The following SRRM1 variants were observed in gnomAD, a reference collection of about 807,000 sequenced individuals.
SRRM1 encodes the protein serine and arginine repetitive matrix 1, also known as serine/arginine repetitive matrix protein 1.
SRRM1 carries 19 observed loss-of-function variants against 110.2 expected under a neutral mutation model. That is an observed-to-expected ratio of 0.17 (90% confidence interval 0.12 to 0.25). The LOEUF is 0.25. SRRM1 is among the 10% of genes least tolerant of loss of function. The pLI, the probability that SRRM1 is intolerant of heterozygous loss-of-function variation, is 1.00. For missense variants in SRRM1, 918 were observed against 1,145.8 expected, an observed-to-expected ratio of 0.80 and a Z score of 2.87; for synonymous variants, 443 against 414.9, an observed-to-expected ratio of 1.07 and a Z score of -0.82.
At chr1:24,662,598 G>GA in intron 11 of SRRM1, 62 bp from the exon 12 acceptor site, 1 of 1,571,072 alleles carries the variant, frequency 6.4e-7, no homozygotes, top group Non-Finnish European at 8.7e-7. Flanking sequence ...CTAGATTTCA[G>GA]AAAACTTGGA....
chr1:24,664,579 T>G (rs1668944959), intron 12 of SRRM1, among the ~76,000 whole-genome samples: 1 of 152,240 alleles, frequency 6.6e-6, no homozygotes, highest in Non-Finnish European at 1.5e-5. Context: ...GTCCTTTTTG[T>G]AGCTCAGTTT....
chr1:24,671,676 T>C, intron 16 of SRRM1, 81 bp downstream of exon 16: 1 of 1,280,746 alleles, frequency 7.8e-7, no homozygotes, highest in East Asian at 2.4e-5. Context: ...AGTAGCAAAA[T>C]TGTTTTTTCT....
At chr1:24,657,738 C>T (rs1664969227) in intron 9 of SRRM1, among the ~76,000 whole-genome samples, 1 of 152,190 alleles carries the variant, frequency 6.6e-6, no homozygotes, top group Non-Finnish European at 1.5e-5. Flanking sequence ...CATAAATTGG[C>T]ATTATCTTAG....
intron 13 of SRRM1, 36 bp downstream of exon 13, chr1:24,666,961 C>T (rs1490356539): frequency 7.7e-7 from 1 of 1,301,670 alleles, no homozygotes; most frequent in Non-Finnish European, 1.1e-6. Context: ...AGCATCTCCC[C>T]AACTCCCCCC....
chr1:24,655,312 G>A (rs1355758484), intron 9 of SRRM1, among the ~76,000 whole-genome samples, 183 bp downstream of exon 9: 1 of 152,142 alleles, frequency 6.6e-6, no homozygotes, highest in African/African-American at 2.4e-5. Context: ...GCTTTTTTAT[G>A]TGTAAAAGGG....
In SRRM1 at chr1:24,646,080, T is replaced by C. The variant is rs1385047022; in HGVS notation, c.111+7T>C. The C allele has an allele frequency of 6.2e-7, 1 of 1,605,848 alleles. No individual in the cohort carries two copies. The highest frequency in any genetic ancestry group is 2.2e-5 in the East Asian group (1 of 44,828). On this transcript the variant is annotated splice_region_variant and intron_variant, in intron 2 of 16. Transcript: ENST00000323848. ...AGAATGCCTAGAAAAAAAGGTATTC[T>C]TCTGGATGAGACTGTTGTGCATCTT...
At chr1:24,659,032 A>G (rs986785167) in intron 9 of SRRM1, among the ~76,000 whole-genome samples, 9 of 152,168 alleles carry the variant, frequency 5.9e-5, no homozygotes, top group Non-Finnish European at 1.3e-4. Context: ...TGTCTCTACT[A>G]AAAATACAAA....
chr1:24,644,429 C>A (rs762108391), intron 1 of SRRM1, among the ~76,000 whole-genome samples: 3 of 152,190 alleles, frequency 2.0e-5, no homozygotes, highest in Non-Finnish European at 2.9e-5. Context: ...GTTAGCTCTT[C>A]TCTTTAGAGC....
chr1:24,669,033 A>T, intron 13 of SRRM1, 90 bp from the exon 14 acceptor site: 2 of 1,020,994 alleles, frequency 2.0e-6, no homozygotes, highest in Non-Finnish European at 2.9e-6. Context: ...CCTAGTGCTA[A>T]CTACAGTATA....
intron 9 of SRRM1, among the ~76,000 whole-genome samples, chr1:24,659,026 T>A (rs1189564620): frequency 6.6e-6 from 1 of 152,132 alleles, no homozygotes; most frequent in African/African-American, 2.4e-5. Flanking sequence ...AAACCCTGTC[T>A]CTACTAAAAA....
intron 9 of SRRM1, among the ~76,000 whole-genome samples, 197 bp downstream of exon 9, chr1:24,655,326 T>G (rs772899556): frequency 2.0e-5 from 3 of 152,204 alleles, no homozygotes. Flanking sequence ...AAAAGGGTTT[T>G]GTTTTTAGCA....
intron 1 of SRRM1, 67 bp from the exon 2 acceptor site, chr1:24,645,917 T>C (rs1657250519): frequency 1.5e-6 from 2 of 1,341,886 alleles, no homozygotes; most frequent in Non-Finnish European, 2.1e-6. Flanking sequence ...GCTATAAAGG[T>C]CGTAGGTGAT....
chr1:24,658,932 G>A (rs1469051392), intron 9 of SRRM1, among the ~76,000 whole-genome samples: 1 of 152,094 alleles, frequency 6.6e-6, no homozygotes, highest in Non-Finnish European at 1.5e-5. Flanking sequence ...GGTGGCTCAC[G>A]CCTGTAATCC....
intron 3 of SRRM1, 29 bp from the exon 4 acceptor site, chr1:24,648,830 G>A (rs1557656757): frequency 6.2e-7 from 1 of 1,602,682 alleles, no homozygotes; most frequent in South Asian, 1.1e-5. Context: ...GAAGTAACCT[G>A]TTTTTCTTCC....
chr1:24,663,476 G>A (rs1271343162), intron 12 of SRRM1, among the ~76,000 whole-genome samples: 2 of 152,048 alleles, frequency 1.3e-5, no homozygotes, highest in Admixed American at 1.3e-4. Flanking sequence ...GTGCTCTTTT[G>A]TGATAATTTG....
intron 12 of SRRM1, 176 bp downstream of exon 12, chr1:24,662,980 ATAAT>A (rs1305758390): frequency 8.9e-6 from 9 of 1,011,980 alleles, no homozygotes; most frequent in African/African-American, 6.5e-5. Context: ...GTGGTTATTA[ATAAT>A]TAATTTAGAA....
At chr1:24,649,174 G>A (rs1659139785) in intron 4 of SRRM1, 145 bp downstream of exon 4, 1 of 635,280 alleles carries the variant, frequency 1.6e-6, no homozygotes. Flanking sequence ...TTGGTTCACT[G>A]CTCCTCCCTC....
rs971936119 is a variant in SRRM1 at position 24,671,275 on chromosome 1, G to A, written c.2401-111G>A. The stretch of plus-strand genomic sequence containing the variant: ...CCACTCACACCCTCCAAAGCCTTTC[G>A]GAAATCTTGAGATTTGTCCATTGGG... On this transcript the variant is annotated intron_variant, in intron 15 of 16. Coordinates refer to ENST00000323848, the MANE Select transcript of SRRM1 (RefSeq NM_005839.4). 2.0e-5 allele frequency: 24 copies of A among 1,198,406 alleles called. No individual in the cohort carries two copies. In the East Asian group the frequency reaches 2.6e-4, roughly 13 times the overall value. The allele number at this position is 1,198,406 out of a possible 1,614,324, so 74.2% of individuals were successfully genotyped here. A position where few individuals can be genotyped will look rare whatever the true frequency, so the allele number is the denominator to read the frequency against.
At chr1:24,645,925 G>T (rs1253325559) in intron 1 of SRRM1, 59 bp from the exon 2 acceptor site, 3 of 1,444,476 alleles carry the variant, frequency 2.1e-6, no homozygotes, top group East Asian at 4.6e-5. Flanking sequence ...GGTCGTAGGT[G>T]ATAAAAAGTA....
Sources: allele counts gnomAD v4.1 joint callset (sites outside exome capture counted in the v4.1 genomes callset), GRCh38; gene constraint gnomAD v4.1.1; transcripts MANE v1.5; gene names NCBI Gene and HGNC (gene_info 2026-07-23, HGNC 2026-07-21).